UNC80: variants seen among roughly 807,000 people sequenced by gnomAD.
The protein encoded by UNC80 is protein unc-80 homolog.
In UNC80, 164 loss-of-function variants were observed where a neutral mutation model predicts 384.6. That is an observed-to-expected ratio of 0.43 (90% CI 0.38 to 0.49). The LOEUF (loss-of-function observed/expected upper bound fraction) is 0.49. UNC80 is among the 20% of genes least tolerant of loss of function. The pLI is 0.00. For synonymous variants in UNC80, 1,486 were observed against 1,527.8 expected (o/e 0.97, Z 0.64); for missense variants, 3,330 against 4,143.0 (o/e 0.80, Z 5.39).
intron 53 of UNC80, 124 bp from the exon 54 acceptor site, chr2:209,970,708 T>C (rs1039607932): frequency 4.8e-6 from 6 of 1,256,090 alleles, no homozygotes; most frequent in African/African-American, 1.5e-5. Context: ...AAAGAAAAGA[T>C]TGAAAGTAAC....
In UNC80 at chr2:209,815,246, C is replaced by T. The variant is rs888366193; in HGVS notation, c.1201-11C>T. The T allele has an allele frequency of 6.4e-7, 1 of 1,550,988 alleles. No individual in the cohort carries two copies. Among genetic ancestry groups the T allele is most frequent in the Non-Finnish European group, 8.7e-7 (1 of 1,146,728 alleles). ...GTCCTAAGTCCTTGATCACTGTCTA[C>T]CTTTATTAAGGATCTCACCATGAAG... On this transcript the variant is annotated splice_polypyrimidine_tract_variant and intron_variant, in intron 8 of 64. Transcript: ENST00000673920.
At chr2:209,931,523 G>A (rs2090872393) in intron 38 of UNC80, among the ~76,000 whole-genome samples, 1 of 152,062 alleles carries the variant, frequency 6.6e-6, no homozygotes, top group Non-Finnish European at 1.5e-5. Context: ...GATCCTCTGA[G>A]ACTTACCAAT....
At chr2:209,912,197 A>T (rs1290161600) in intron 29 of UNC80, among the ~76,000 whole-genome samples, 1 of 152,126 alleles carries the variant, frequency 6.6e-6, no homozygotes, top group Non-Finnish European at 1.5e-5. Context: ...TGTGTTTTTT[A>T]ACTGCTTGAT....
At chr2:209,954,388 C>A in intron 48 of UNC80, 118 bp downstream of exon 48, 2 of 1,038,016 alleles carry the variant, frequency 1.9e-6, no homozygotes, top group Non-Finnish European at 2.6e-6. Context: ...TTTACAGATA[C>A]CTCCTAAACT....
chr2:209,829,432 G>A, intron 15 of UNC80, 53 bp downstream of exon 15: 1 of 1,540,864 alleles, frequency 6.5e-7, no homozygotes, highest in Non-Finnish European at 8.8e-7. Context: ...GGTGAATCAG[G>A]TAGTGTTTCA....
chr2:209,984,988 G>A (rs2093253927), intron 61 of UNC80, 76 bp downstream of exon 61: 1 of 1,265,150 alleles, frequency 7.9e-7, no homozygotes. Context: ...CTGTCTCTCT[G>A]TCTTCTCTGT....
intron 25 of UNC80, among the ~76,000 whole-genome samples, chr2:209,883,823 T>C (rs1312104041): frequency 6.6e-6 from 1 of 152,212 alleles, no homozygotes; most frequent in Non-Finnish European, 1.5e-5. Flanking sequence ...GACTGTGTTA[T>C]TTCACTTAGG....
At chr2:209,810,116 G>A (rs1291101758) in intron 7 of UNC80, among the ~76,000 whole-genome samples, 5 of 152,106 alleles carry the variant, frequency 3.3e-5, no homozygotes, top group Non-Finnish European at 5.9e-5. Context: ...AAGATGCTCT[G>A]GGCCTGAGCA....
rs1433113118 is a variant in UNC80, at chr2:209,848,577, T to G, written c.3455-874T>G. ...GCTTCATCTATCTTTCATGCTCTTT[T>G]AAATGTATTGTACAACAAATCACAG... On this transcript the variant is annotated intron_variant, in intron 21 of 64. Transcript: ENST00000673920. 3.3e-5 allele frequency among the ~76,000 whole-genome samples: 5 copies of G among 152,302 alleles called. No individual in the cohort carries two copies. The East Asian group carries it at 9.6e-4, about 29-fold the overall frequency.
intron 55 of UNC80, among the ~76,000 whole-genome samples, chr2:209,972,792 T>C (rs1313699461): frequency 1.3e-5 from 2 of 152,198 alleles, no homozygotes; most frequent in East Asian, 1.9e-4. Context: ...CAGTGCATCA[T>C]GAGTATTTGC....
rs1420498826 is a variant in UNC80 at position 209,859,309 on chromosome 2, A to G, written c.3627+9686A>G. Among the ~76,000 whole-genome samples the G allele has an allele frequency of 3.3e-5, 5 of 152,176 alleles. No individual in the cohort carries two copies. In the East Asian group the frequency reaches 9.6e-4, roughly 29 times the overall value. On this transcript the variant is annotated intron_variant, in intron 22 of 64. Coordinates refer to ENST00000673920, the MANE Select transcript of UNC80 (RefSeq NM_001371986.1). ...GTGTTTGATTATCTGTTCCTGTGTT[A>G]GTTTGCTGAGGATGATGGCTGCCAG...
In UNC80 at chr2:209,995,372, C is replaced by T. The variant is rs59504201; in HGVS notation, c.9752C>T (p.Thr3251Ile). The T allele has an allele frequency of 6.4e-7, 1 of 1,552,068 alleles. No individual in the cohort carries two copies. The highest frequency in any genetic ancestry group is 1.4e-5 in the African/African-American group (1 of 73,050). The change falls in exon 65 of 65, where the codon ACA becomes ATA. Residue 3251 changes from threonine (T) to isoleucine (I), a missense_variant. By Grantham distance (89) the Thr-to-Ile change is moderately conservative. Coordinates refer to ENST00000673920, the MANE Select transcript of UNC80 (RefSeq NM_001371986.1). ...GAAGAAGGAGAAAAGGAGGAGGACA[C>T]AGAAGCACAAGGTGCTACTGCACAC... ...PTEEGEKEEDTEAQGATAHSP... is the reference protein window; with the variant it reads ...PTEEGEKEEDIEAQGATAHSP...
At chr2:209,916,604 T>C (rs1452452177) in intron 31 of UNC80, among the ~76,000 whole-genome samples, 1 of 152,154 alleles carries the variant, frequency 6.6e-6, no homozygotes, top group East Asian at 1.9e-4. Flanking sequence ...AGAAAAGTAT[T>C]ATCAAAAGAT....
intron 43 of UNC80, among the ~76,000 whole-genome samples, chr2:209,940,685 C>T (rs1290066921): frequency 1.3e-5 from 2 of 152,030 alleles, no homozygotes; most frequent in African/African-American, 4.8e-5. Flanking sequence ...GGCATGGTGG[C>T]GGGTGCCTGT....
At chr2:209,980,403 T>C (rs2093129009) in intron 59 of UNC80, among the ~76,000 whole-genome samples, 1 of 152,166 alleles carries the variant, frequency 6.6e-6, no homozygotes, top group Non-Finnish European at 1.5e-5. Flanking sequence ...GGGATATCAC[T>C]GGCCAAAAGC....
chr2:209,852,078 C>T (rs2082573700), intron 22 of UNC80, among the ~76,000 whole-genome samples: 1 of 152,080 alleles, frequency 6.6e-6, no homozygotes, highest in African/African-American at 2.4e-5. Context: ...GAGGCATTTT[C>T]TCATTAGCAT....
chr2:209,826,398 T>G (rs2080524406), intron 14 of UNC80, among the ~76,000 whole-genome samples: 1 of 152,222 alleles, frequency 6.6e-6, no homozygotes, highest in Non-Finnish European at 1.5e-5. Flanking sequence ...AACAAATGAC[T>G]TTTTAATCAT....
At chr2:209,993,286 G>C (rs1488407348) in intron 62 of UNC80, 29 bp from the exon 63 acceptor site, 1 of 1,527,976 alleles carries the variant, frequency 6.5e-7, no homozygotes, top group African/African-American at 1.4e-5. Context: ...AGACCCTCTT[G>C]CAAGTTTTAT....
At chr2:209,887,373 C>G (rs948111309) in intron 25 of UNC80, among the ~76,000 whole-genome samples, 27 of 152,088 alleles carry the variant, frequency 1.8e-4, no homozygotes, top group Admixed American at 1.6e-3. Context: ...TCGCATCTCT[C>G]TCATCTTTCT....
Sources: gnomAD v4.1 joint callset for allele counts (sites outside exome capture counted in the v4.1 genomes callset) on GRCh38, gnomAD v4.1.1 for gene constraint, MANE v1.5 for transcripts, NCBI Gene and HGNC (gene_info 2026-07-23, HGNC 2026-07-21) for gene names.